Variants in DSCAML1 observed in about 807,000 individuals in gnomAD.
DSCAML1 encodes the protein cell adhesion molecule DSCAML1.
Under a neutral mutation model 200.5 loss-of-function variants are expected in DSCAML1, and 38 were observed. The observed-to-expected ratio is 0.19, with a 90% confidence interval of 0.15 to 0.25. The LOEUF is 0.25. Ranked by LOEUF, DSCAML1 falls within the 10% of genes least tolerant of loss-of-function variation. DSCAML1 has a pLI of 1.00. For synonymous variants in DSCAML1, 1,215 were observed against 1,165.0 expected, an observed-to-expected ratio of 1.04 and a Z score of -0.87; for missense variants, 2,223 against 2,858.8, an observed-to-expected ratio of 0.78 and a Z score of 5.07.
chr11:117,512,768 C>G (rs1399256169), intron 8 of DSCAML1, among the ~76,000 whole-genome samples: 1 of 129,732 alleles, frequency 7.7e-6, no homozygotes, highest in African/African-American at 3.1e-5. Context: ...GGATCACACA[C>G]ACACACACAC....
intron 29 of DSCAML1, among the ~76,000 whole-genome samples, 171 bp from the exon 30 acceptor site, chr11:117,432,675 C>T (rs530409564): frequency 1.3e-5 from 2 of 151,802 alleles, no homozygotes; most frequent in African/African-American, 4.8e-5. Flanking sequence ...TAATTGTGAT[C>T]ACTGCTCACT....
chr11:117,476,828 C>A (rs746496825), intron 14 of DSCAML1, among the ~76,000 whole-genome samples: 27 of 152,130 alleles, frequency 1.8e-4, no homozygotes, highest in Non-Finnish European at 3.1e-4. Context: ...AGCAACATGG[C>A]AGAAATCCTG....
At chr11:117,464,394 C>T (rs1223991162) in intron 17 of DSCAML1, among the ~76,000 whole-genome samples, 1 of 152,134 alleles carries the variant, frequency 6.6e-6, no homozygotes, top group Non-Finnish European at 1.5e-5. Flanking sequence ...ACCCTCTCCT[C>T]CTGGAGAGAC....
intron 3 of DSCAML1, among the ~76,000 whole-genome samples, chr11:117,630,301 G>A (rs927984080): frequency 2.0e-5 from 3 of 152,166 alleles, no homozygotes; most frequent in Admixed American, 6.5e-5. Flanking sequence ...GCCTGAACAG[G>A]CGTCGAATGC....
chr11:117,454,161 A>G (rs560924106), intron 19 of DSCAML1, among the ~76,000 whole-genome samples: 2 of 152,116 alleles, frequency 1.3e-5, no homozygotes, highest in East Asian at 1.9e-4. Context: ...TGCATCCTCT[A>G]TGTCCTTGAT....
intron 15 of DSCAML1, among the ~76,000 whole-genome samples, chr11:117,471,625 G>A (rs925925938): frequency 6.6e-6 from 1 of 152,206 alleles, no homozygotes; most frequent in African/African-American, 2.4e-5. Flanking sequence ...AGATGCTGGG[G>A]CCAGGGGAGT....
At chr11:117,604,089 G>T (rs1206664112) in intron 3 of DSCAML1, among the ~76,000 whole-genome samples, 1 of 152,156 alleles carries the variant, frequency 6.6e-6, no homozygotes, top group Non-Finnish European at 1.5e-5. Context: ...CAGGCAGATT[G>T]CCTCTTGCAC....
chr11:117,580,732 C>T (rs2051024020), intron 3 of DSCAML1, among the ~76,000 whole-genome samples: 1 of 152,062 alleles, frequency 6.6e-6, no homozygotes, highest in South Asian at 2.1e-4. Context: ...TTTTTGCAAC[C>T]AGGATAATGA....
Position 117,503,725 on chromosome 11 carries a change from C to T in DSCAML1, c.2359+120G>A. Reference sequence around the variant, plus strand: ...CCAAGGCCACCTCTCACTAGGAAGCCTTCCTGCCTCCCCTTCATAGATGAA... The same window carrying T: ...CCAAGGCCACCTCTCACTAGGAAGCTTTCCTGCCTCCCCTTCATAGATGAA... On this transcript the variant is annotated intron_variant, in intron 11 of 32. Coordinates refer to ENST00000651296, the MANE Select transcript of DSCAML1 (RefSeq NM_020693.4). This position sits in a 1 kb window ranked among gnomAD's most constrained non-coding sequence, Gnocchi z 5.2. 1 of 1,208,580 alleles carries T rather than the reference C, an allele frequency of 8.3e-7. No individual in the cohort carries two copies. Among genetic ancestry groups the T allele is most frequent in the Non-Finnish European group, 1.1e-6 (1 of 880,012 alleles). 74.9% of individuals were successfully genotyped at this position (1,208,580 alleles called of 1,614,324 possible).
At chr11:117,795,412 C>A (rs1341097875) in intron 1 of DSCAML1, among the ~76,000 whole-genome samples, 4 of 151,204 alleles carry the variant, frequency 2.6e-5, no homozygotes, top group Admixed American at 2.0e-4. Flanking sequence ...CCTGCGGGGG[C>A]GGAGGGAGGC....
intron 3 of DSCAML1, among the ~76,000 whole-genome samples, chr11:117,774,870 G>A (rs533969208): frequency 6.8e-4 from 103 of 152,242 alleles, no homozygotes; most frequent in African/African-American, 2.3e-3. Context: ...CTGTAAAGTG[G>A]AGAGGGGAAA....
At chr11:117,531,941 AGGGAG>A (rs2050086461) in intron 4 of DSCAML1, among the ~76,000 whole-genome samples, 1 of 13,184 alleles carries the variant, frequency 7.6e-5, no homozygotes, top group South Asian at 4.4e-3. Context: ...AGGAGGGAGG[AGGGAG>A]GGAGGGAGGG....
At chr11:117,803,664 C>T (rs973618298) in intron 1 of DSCAML1, among the ~76,000 whole-genome samples, 11 of 152,336 alleles carry the variant, frequency 7.2e-5, no homozygotes, top group African/African-American at 2.4e-4. Flanking sequence ...CCTTGGGTTA[C>T]ACTGTGGCTG....
chr11:117,449,186 A>G (rs1208153020), intron 20 of DSCAML1, among the ~76,000 whole-genome samples: 1 of 152,162 alleles, frequency 6.6e-6, no homozygotes, highest in African/African-American at 2.4e-5. Context: ...GGTCAGGATG[A>G]TGGTTACCTG....
chr11:117,433,058 G>T (rs1267166894), intron 29 of DSCAML1, 80 bp downstream of exon 29: 2 of 1,247,784 alleles, frequency 1.6e-6, no homozygotes, highest in African/African-American at 3.0e-5. Context: ...TGCCATGAGG[G>T]TTGGTGTTTG....
At chr11:117,767,118 G>A (rs766750712) in intron 3 of DSCAML1, among the ~76,000 whole-genome samples, 4 of 152,054 alleles carry the variant, frequency 2.6e-5, no homozygotes, top group African/African-American at 4.8e-5. Flanking sequence ...TTTATAAACC[G>A]GAGAGCACCA....
At position 117,438,036 on chromosome 11, in the gene DSCAML1, C is replaced by T. The variant is rs761766341; in HGVS notation, c.4291G>A (p.Val1431Met). ...GAGCGCTCGCTGGAGCTGATGAACA[C>T]ATCCTTCCACTCCTCGCTGTTGTCC... Reference protein sequence around the residue: ...SVDNSEEWKDVFISSSERSFK... With the variant: ...SVDNSEEWKDMFISSSERSFK... Residue 1431 changes from valine (V) to methionine (M), a missense_variant, in exon 25 of 33, where the codon GTG (valine) becomes ATG (methionine). By Grantham distance (21) the Val-to-Met change is conservative. Transcript: ENST00000651296. 1.2e-6 allele frequency: 2 copies of T among 1,614,102 alleles called. No individual in the cohort carries two copies. The highest frequency in any genetic ancestry group is 1.7e-6 in the Non-Finnish European group (2 of 1,179,970).
chr11:117,574,841 G>A (rs1777270132), intron 3 of DSCAML1, among the ~76,000 whole-genome samples: 1 of 152,196 alleles, frequency 6.6e-6, no homozygotes, highest in Non-Finnish European at 1.5e-5. Flanking sequence ...CCTGGCCTGG[G>A]AAGGGGAGGC....
chr11:117,733,277 T>G (rs183476926), intron 3 of DSCAML1, among the ~76,000 whole-genome samples: 6 of 152,266 alleles, frequency 3.9e-5, no homozygotes, highest in Non-Finnish European at 7.4e-5. Flanking sequence ...TAGCACGTAG[T>G]AGCCTCCCTA....
Sources: gnomAD v4.1 joint callset for allele counts (sites outside exome capture counted in the v4.1 genomes callset) on GRCh38, gnomAD v4.1.1 for gene constraint, Gnocchi (gnomAD v3.1) non-coding constraint, MANE v1.5 for transcripts, NCBI Gene and HGNC (gene_info 2026-07-23, HGNC 2026-07-21) for gene names.